Variants in GPBP1 observed in about 807,000 individuals in gnomAD.
The protein encoded by GPBP1 is GC-rich promoter binding protein 1.
In GPBP1, 13 loss-of-function variants were observed where a neutral mutation model predicts 56.5. The observed-to-expected ratio is 0.23, with a 90% CI of 0.15 to 0.37. The LOEUF (loss-of-function observed/expected upper bound fraction) is 0.37, where lower values mean the gene tolerates loss of function less well. Among genes scored for constraint, GPBP1 ranks in the 10% least tolerant of loss-of-function variants. The pLI, the probability that GPBP1 is intolerant of heterozygous loss-of-function variation, is 1.00. For synonymous variants in GPBP1, 204 were observed against 188.9 expected, an observed-to-expected ratio of 1.08 and a Z score of -0.66; for missense variants, 477 against 572.3, an observed-to-expected ratio of 0.83 and a Z score of 1.70.
intron 2 of GPBP1, among the ~76,000 whole-genome samples, chr5:57,205,967 G>A (rs555187581): frequency 1.2e-4 from 19 of 152,146 alleles, no homozygotes; most frequent in African/African-American, 4.6e-4. Context: ...GGGACTCACT[G>A]TGTTGCCCAG....
intron 6 of GPBP1, among the ~76,000 whole-genome samples, chr5:57,244,053 T>C (rs929680822): frequency 6.6e-6 from 1 of 152,306 alleles, no homozygotes; most frequent in South Asian, 2.1e-4. Flanking sequence ...TCTTCAGCTT[T>C]CCACATTGGA....
At chr5:57,233,128 A>G (rs1014129223) in intron 5 of GPBP1, among the ~76,000 whole-genome samples, 2 of 152,188 alleles carry the variant, frequency 1.3e-5, no homozygotes, top group Non-Finnish European at 2.9e-5. Flanking sequence ...GCAAAAGAGA[A>G]TACTTCAGGA....
chr5:57,217,423 T>C (rs985314622), intron 3 of GPBP1, among the ~76,000 whole-genome samples: 3 of 151,994 alleles, frequency 2.0e-5, no homozygotes, highest in Non-Finnish European at 4.4e-5. Flanking sequence ...AAATACAAAA[T>C]TATCCCGGTG....
Position 57,220,005 on chromosome 5 carries a change from C to T in GPBP1, c.63+5812C>T, listed in dbSNP as rs192007478. Among the ~76,000 whole-genome samples the T allele has an allele frequency of 8.7e-5, 13 of 148,734 alleles. No homozygotes were observed. In the East Asian group the frequency reaches 2.2e-3, roughly 25 times the overall value. ...GGCAGAGGTTGTAGTGAGCTGAGAT[C>T]GTGTCATTGCACTTCAGCCTGGGCA... is the stretch of plus-strand genomic sequence containing the variant. On this transcript the variant is annotated intron_variant, in intron 3 of 11. Transcript: ENST00000506184.
At position 57,176,162 on chromosome 5, in the gene GPBP1, A is replaced by G. The variant is rs1174121774; in HGVS notation, c.-296A>G. 1.8e-5 allele frequency: 7 copies of G among 395,458 alleles called. No individual in the cohort carries two copies. The highest frequency in any genetic ancestry group is 3.1e-5 in the Non-Finnish European group (7 of 224,662). The allele number at this position is 395,458 out of a possible 1,614,324, so 24.5% of individuals were successfully genotyped here. ...ACAGTGGCAAGTACATGGAATAATA[A>G]AGAAGACTTTGATCTTAAATCTAAA... On this transcript the variant is annotated 5_prime_UTR_variant, in exon 2 of 12. Coordinates refer to ENST00000506184, the MANE Select transcript of GPBP1 (RefSeq NM_022913.4).
intron 2 of GPBP1, among the ~76,000 whole-genome samples, chr5:57,201,678 C>A (rs1030917032): frequency 1.3e-5 from 2 of 152,110 alleles, no homozygotes; most frequent in Non-Finnish European, 2.9e-5. Flanking sequence ...AGTAAACATT[C>A]TTTTTTATAT....
chr5:57,238,422 G>C (rs1740641885), intron 6 of GPBP1, among the ~76,000 whole-genome samples: 1 of 152,186 alleles, frequency 6.6e-6, no homozygotes, highest in Admixed American at 6.5e-5. Flanking sequence ...GCCGGGTGTG[G>C]TGGCGCATGC....
chr5:57,219,375 C>CAAAAAAAA (rs869152603), intron 3 of GPBP1, among the ~76,000 whole-genome samples: 2 of 35,314 alleles, frequency 5.7e-5, no homozygotes, highest in Non-Finnish European at 9.9e-5. Flanking sequence ...GACTCTGTCT[C>CAAAAAAAA]AAAAAAAAAA....
At chr5:57,206,163 A>G (rs1274514197) in intron 2 of GPBP1, among the ~76,000 whole-genome samples, 1 of 152,102 alleles carries the variant, frequency 6.6e-6, no homozygotes, top group Non-Finnish European at 1.5e-5. Flanking sequence ...TGAGGTGCAT[A>G]TATTTTCTTC....
intron 2 of GPBP1, among the ~76,000 whole-genome samples, chr5:57,177,195 A>G (rs1481729748): frequency 6.6e-6 from 1 of 152,152 alleles, no homozygotes; most frequent in African/African-American, 2.4e-5. Context: ...AAAGTTGTGA[A>G]TTAATTGCTA....
chr5:57,190,642 A>G (rs930348814), intron 2 of GPBP1, among the ~76,000 whole-genome samples: 19 of 140,354 alleles, frequency 1.4e-4, no homozygotes, highest in African/African-American at 5.0e-4. Flanking sequence ...ATAAATTGTT[A>G]TATGAGCTTT....
chr5:57,180,544 A>G (rs59838414), intron 2 of GPBP1, among the ~76,000 whole-genome samples: 2,796 of 152,320 alleles, frequency 0.018, 83 homozygotes, highest in African/African-American at 0.064. Flanking sequence ...GATCCAGGTA[A>G]GGTACTGATG....
chr5:57,179,484 A>T (rs1027492279), intron 2 of GPBP1, among the ~76,000 whole-genome samples: 1 of 152,206 alleles, frequency 6.6e-6, no homozygotes, highest in Admixed American at 6.5e-5. Flanking sequence ...AAGTGCTGGG[A>T]TTACAGGCCT....
intron 2 of GPBP1, among the ~76,000 whole-genome samples, chr5:57,190,027 T>C (rs1414972806): frequency 1.3e-5 from 2 of 152,182 alleles, no homozygotes; most frequent in Non-Finnish European, 2.9e-5. Context: ...AATTATCTTG[T>C]TTACCCTGTG....
rs371389596 is a variant in GPBP1, at chr5:57,199,959, A to G, written c.-57-14115A>G. Among the ~76,000 whole-genome samples, 415 of 145,222 alleles carry G rather than the reference A, an allele frequency of 2.9e-3. 4 individuals are homozygous for G. The highest frequency in any genetic ancestry group is 0.01 in the African/African-American group (395 of 38,670). On this transcript the variant is annotated intron_variant, in intron 2 of 11. Coordinates refer to ENST00000506184, the MANE Select transcript of GPBP1 (RefSeq NM_022913.4). ...TGGAACTCTTGACTTCAAGTGATCTACCTGCCGCAAAGTGCTGGGATTACA... is the reference window on the plus strand; with the variant it reads ...TGGAACTCTTGACTTCAAGTGATCTGCCTGCCGCAAAGTGCTGGGATTACA...
At chr5:57,195,170 T>C (rs1754692093) in intron 2 of GPBP1, among the ~76,000 whole-genome samples, 1 of 152,186 alleles carries the variant, frequency 6.6e-6, no homozygotes, top group African/African-American at 2.4e-5. Flanking sequence ...TTGAGTTCTT[T>C]TTTCTTTTTG....
Position 57,229,230 on chromosome 5 carries a change from C to CAAAAAAAAAAAAAAAAAAAAA in GPBP1, c.64-1599_64-1579dup, listed in dbSNP as rs543005934. Among the ~76,000 whole-genome samples the CAAAAAAAAAAAAAAAAAAAAA allele has an allele frequency of 1.4e-4, 11 of 77,424 alleles. 2 individuals are homozygous for CAAAAAAAAAAAAAAAAAAAAA. Among genetic ancestry groups the CAAAAAAAAAAAAAAAAAAAAA allele is most frequent in the South Asian group, 3.7e-4 (1 of 2,738 alleles). The allele number at this position is 77,424 out of a possible 152,430, so 50.8% of individuals were successfully genotyped here. A position where few individuals can be genotyped will look rare whatever the true frequency, so the allele number is the denominator to read the frequency against. ...TGGGCGACAGAACAAGACTCCATCT[C>CAAAAAAAAAAAAAAAAAAAAA]AAAAAAAAAAAAAAAAAAAAAAAAA... On this transcript the variant is annotated intron_variant, in intron 3 of 11. Transcript: ENST00000506184.
At chr5:57,191,442 T>C (rs1337515395) in intron 2 of GPBP1, among the ~76,000 whole-genome samples, 1 of 152,150 alleles carries the variant, frequency 6.6e-6, no homozygotes, top group Non-Finnish European at 1.5e-5. Context: ...AAGATTTGTT[T>C]ACTGTGACCC....
At chr5:57,222,644 A>G (rs1756002674) in intron 3 of GPBP1, among the ~76,000 whole-genome samples, 1 of 152,130 alleles carries the variant, frequency 6.6e-6, no homozygotes, top group Non-Finnish European at 1.5e-5. Context: ...TATGTAATTA[A>G]TTACCTATTA....
Sources: allele counts gnomAD v4.1 joint callset (sites outside exome capture counted in the v4.1 genomes callset), GRCh38; gene constraint gnomAD v4.1.1; transcripts MANE v1.5; gene names NCBI Gene and HGNC (gene_info 2026-07-23, HGNC 2026-07-21).